Variants in PTPRT observed in about 807,000 individuals in gnomAD.
The protein encoded by PTPRT is protein tyrosine phosphatase receptor type T.
PTPRT carries 56 observed loss-of-function variants against 176.8 expected under a neutral mutation model. That is an observed-to-expected ratio of 0.32 (90% CI 0.26 to 0.40). PTPRT has a LOEUF of 0.40. Among genes scored for constraint, PTPRT ranks in the 10% least tolerant of loss-of-function variants. The pLI, the probability that PTPRT is intolerant of heterozygous loss-of-function variation, is 1.00. For missense variants in PTPRT, 1,540 were observed against 1,908.2 expected, an observed-to-expected ratio of 0.81 and a Z score of 3.60; for synonymous variants, 783 against 739.0, an observed-to-expected ratio of 1.06 and a Z score of -0.96.
At chr20:42,374,013 TG>T (rs2058620988) in intron 9 of PTPRT, among the ~76,000 whole-genome samples, 2 of 151,586 alleles carry the variant, frequency 1.3e-5, no homozygotes, top group Non-Finnish European at 2.9e-5. Context: ...TCCAGGGAGG[TG>T]GGAGCAGAGA....
At chr20:42,672,379 C>G (rs1178691057) in intron 7 of PTPRT, among the ~76,000 whole-genome samples, 1 of 152,192 alleles carries the variant, frequency 6.6e-6, no homozygotes, top group Non-Finnish European at 1.5e-5. Context: ...CTCGGACTGG[C>G]TTCCTTTCTC....
chr20:42,902,336 T>C (rs936147235), intron 1 of PTPRT, among the ~76,000 whole-genome samples: 17 of 151,572 alleles, frequency 1.1e-4, no homozygotes, highest in African/African-American at 9.7e-5. Flanking sequence ...GTCAGTAGAG[T>C]CACATGGTCC....
At chr20:42,563,469 A>T (rs2072987083) in intron 7 of PTPRT, among the ~76,000 whole-genome samples, 1 of 152,222 alleles carries the variant, frequency 6.6e-6, no homozygotes, top group African/African-American at 2.4e-5. Flanking sequence ...CAAACACCAT[A>T]TAAATGTGGC....
chr20:42,597,524 G>T (rs945002955), intron 7 of PTPRT, among the ~76,000 whole-genome samples: 1 of 152,090 alleles, frequency 6.6e-6, no homozygotes, highest in Admixed American at 6.6e-5. Flanking sequence ...TCTTCCCTTG[G>T]TACTGCATAG....
At chr20:42,716,978 T>C (rs1218460395) in intron 6 of PTPRT, among the ~76,000 whole-genome samples, 3 of 151,088 alleles carry the variant, frequency 2.0e-5, no homozygotes, top group African/African-American at 4.9e-5. Flanking sequence ...TAGGTGGGAA[T>C]TGAACAATAA....
At chr20:42,808,812 A>C (rs2077652225) in intron 2 of PTPRT, among the ~76,000 whole-genome samples, 1 of 152,204 alleles carries the variant, frequency 6.6e-6, no homozygotes, top group African/African-American at 2.4e-5. Context: ...GGAAAAGTCG[A>C]GTCTGTAGTT....
chr20:42,322,917 A>G (rs575390716), intron 11 of PTPRT, among the ~76,000 whole-genome samples: 1 of 152,232 alleles, frequency 6.6e-6, no homozygotes, highest in African/African-American at 2.4e-5. Flanking sequence ...TTACAAGAAA[A>G]AAACTAACAA....
chr20:42,361,412 C>A, intron 9 of PTPRT, among the ~76,000 whole-genome samples: 1 of 152,184 alleles, frequency 6.6e-6, no homozygotes, highest in Non-Finnish European at 1.5e-5. Flanking sequence ...TATCCCCTGA[C>A]TCCCCTTAAG....
Position 42,556,926 on chromosome 20 carries a change from G to A in PTPRT, c.1154-84364C>T, listed in dbSNP as rs75518215. On this transcript the variant is annotated intron_variant, in intron 7 of 30. Coordinates refer to ENST00000373187, the MANE Select transcript of PTPRT (RefSeq NM_007050.6). ...TCAGAAAGAGCTACTCCGCACCAGG[G>A]TCTGAGACCACCACCAGCCAAATGT... Among the ~76,000 whole-genome samples, 565 of 152,208 alleles carry A rather than the reference G, an allele frequency of 3.7e-3. 6 individuals are homozygous for A. Among genetic ancestry groups the A allele is most frequent in the African/African-American group, 0.013 (540 of 41,538 alleles).
At chr20:43,076,517 T>C (rs1328443368) in intron 1 of PTPRT, among the ~76,000 whole-genome samples, 3 of 152,120 alleles carry the variant, frequency 2.0e-5, no homozygotes, top group African/African-American at 7.2e-5. Flanking sequence ...TTACTGTAGA[T>C]ATGTGGTCCT....
intron 1 of PTPRT, among the ~76,000 whole-genome samples, chr20:43,032,702 G>A (rs1986197190): frequency 6.6e-6 from 1 of 152,108 alleles, no homozygotes; most frequent in Admixed American, 6.5e-5. Flanking sequence ...AAGCAGATCT[G>A]TGCATGTCAT....
chr20:42,328,962 AACACACACACC>A (rs1026904404), intron 11 of PTPRT, among the ~76,000 whole-genome samples: 10 of 152,280 alleles, frequency 6.6e-5, no homozygotes, highest in Admixed American at 2.6e-4. Context: ...AGATGAAGAA[AACACACACACC>A]ACACACACAC....
chr20:42,176,476 A>C (rs893080056), intron 16 of PTPRT, among the ~76,000 whole-genome samples: 1 of 152,184 alleles, frequency 6.6e-6, no homozygotes, highest in East Asian at 1.9e-4. Context: ...ACTGGACATG[A>C]TTTGGAGTTT....
intron 23 of PTPRT, among the ~76,000 whole-genome samples, chr20:42,110,082 T>C (rs912567916): frequency 6.6e-5 from 10 of 150,924 alleles, no homozygotes; most frequent in Non-Finnish European, 1.3e-4. Flanking sequence ...AGTCTCGCTC[T>C]GTCACCCAGG....
chr20:42,719,494 TTGGCAGGA>T (rs2076274510), intron 6 of PTPRT, among the ~76,000 whole-genome samples: 1 of 152,174 alleles, frequency 6.6e-6, no homozygotes, highest in Admixed American at 6.5e-5. Context: ...CTCCAACAGC[TTGGCAGGA>T]AGGCAAGAAG....
intron 1 of PTPRT, among the ~76,000 whole-genome samples, chr20:43,027,818 C>T (rs1010185731): frequency 7.9e-5 from 12 of 152,104 alleles, no homozygotes; most frequent in Admixed American, 5.9e-4. Flanking sequence ...TACACAGCAC[C>T]GACAGCATTG....
At chr20:43,148,148 A>G (rs931569409) in intron 1 of PTPRT, among the ~76,000 whole-genome samples, 1 of 152,032 alleles carries the variant, frequency 6.6e-6, no homozygotes, top group African/African-American at 2.4e-5. Context: ...GTTTAACCTC[A>G]TCTTGGCCAC....
At chr20:42,771,577 A>AGAAT in intron 4 of PTPRT, 27 bp from the exon 5 acceptor site, 4 of 1,589,258 alleles carry the variant, frequency 2.5e-6, no homozygotes, top group Non-Finnish European at 3.5e-6. Context: ...AGAACACAAG[A>AGAAT]GAATGAGATT....
chr20:42,938,801 C>A (rs999205056), intron 1 of PTPRT, among the ~76,000 whole-genome samples: 1 of 152,014 alleles, frequency 6.6e-6, no homozygotes, highest in Non-Finnish European at 1.5e-5. Context: ...CTCAATAGTT[C>A]CTGTGTCTTA....
Sources: allele counts gnomAD v4.1 joint callset (sites outside exome capture counted in the v4.1 genomes callset), GRCh38; gene constraint gnomAD v4.1.1; transcripts MANE v1.5; gene names NCBI Gene and HGNC (gene_info 2026-07-23, HGNC 2026-07-21).